NEBL: variants seen among roughly 807,000 people sequenced by gnomAD.
NEBL encodes the protein nebulette, also known as LIM and SH3 protein 2.
Under a neutral mutation model 140.2 loss-of-function variants are expected in NEBL, and 122 were observed. That is an observed-to-expected ratio of 0.87 (90% confidence interval 0.75 to 1.01). The LOEUF (loss-of-function observed/expected upper bound fraction) is 1.01. NEBL is among the 50% of genes least tolerant of loss of function. The probability of loss-of-function intolerance (pLI) is 0.00; values close to 1 mark genes in which losing one functional copy is unlikely to be tolerated. For synonymous variants in NEBL, 436 were observed against 398.9 expected, an observed-to-expected ratio of 1.09 and a Z score of -1.11; for missense variants, 1,365 against 1,231.3, an observed-to-expected ratio of 1.11 and a Z score of -1.62.
Position 21,202,743 on chromosome 10 carries a change from G to GGGATTAC in NEBL, n.349-30267_349-30266insGTAATCC, listed in dbSNP as rs555389638. Among the ~76,000 whole-genome samples, 372 of 152,078 alleles carry GGGATTAC rather than the reference G, an allele frequency of 2.4e-3. 1 individual carries two copies. The highest frequency in any genetic ancestry group is 8.6e-3 in the African/African-American group (355 of 41,510). The stretch of plus-strand genomic sequence containing the variant: ...CCCAAAGTGCTGGGATTACAGGCGT[G>GGGATTAC]AGCCACCACGCCCGGCCTTCCACCT... On this transcript the variant is annotated intron_variant and non_coding_transcript_variant, in intron 3 of 8. Transcript: ENST00000675702.
At chr10:21,234,021 A>AGATAGATAGAT in intron 3 of NEBL, among the ~76,000 whole-genome samples, 1 of 136,816 alleles carries the variant, frequency 7.3e-6, no homozygotes, top group South Asian at 2.9e-4. Context: ...ATAGATAGAT[A>AGATAGATAGAT]GATAGATAGA....
At chr10:21,180,030 A>G (rs1278651761) in intron 3 of NEBL, among the ~76,000 whole-genome samples, 1 of 152,078 alleles carries the variant, frequency 6.6e-6, no homozygotes, top group East Asian at 1.9e-4. Flanking sequence ...CTAGATACTC[A>G]GGAAGCTGAG....
intron 2 of NEBL, among the ~76,000 whole-genome samples, chr10:21,099,945 T>A (rs1346681973): frequency 6.6e-6 from 1 of 152,150 alleles, no homozygotes; most frequent in Non-Finnish European, 1.5e-5. Flanking sequence ...CTATTTAGGT[T>A]TGCCAATAAC....
At chr10:21,102,225 T>C (rs1354361251) in intron 2 of NEBL, among the ~76,000 whole-genome samples, 1 of 152,224 alleles carries the variant, frequency 6.6e-6, no homozygotes, top group Non-Finnish European at 1.5e-5. Flanking sequence ...AATCTAAACT[T>C]AGTCTCGAAA....
chr10:20,981,932 G>T (rs974512600), intron 3 of NEBL, among the ~76,000 whole-genome samples: 2 of 152,182 alleles, frequency 1.3e-5, no homozygotes, highest in Non-Finnish European at 2.9e-5. Context: ...AATGACAATT[G>T]GAGTTGAGAT....
chr10:20,894,653 G>A (rs556178543), intron 2 of NEBL, among the ~76,000 whole-genome samples: 3 of 151,068 alleles, frequency 2.0e-5, no homozygotes, highest in Admixed American at 6.6e-5. Context: ...GGTGGCTCAC[G>A]CCTGTAATCC....
chr10:20,926,758 A>G (rs1833934092), intron 4 of NEBL, among the ~76,000 whole-genome samples: 1 of 152,232 alleles, frequency 6.6e-6, no homozygotes, highest in Non-Finnish European at 1.5e-5. Context: ...CCAGCTGAAG[A>G]GTGATGCTGA....
chr10:20,828,384 C>T (rs528918921), intron 17 of NEBL, 146 bp downstream of exon 17: 1 of 576,464 alleles, frequency 1.7e-6, no homozygotes, highest in South Asian at 2.3e-5. Context: ...TATCAGTATT[C>T]TTATTATTTT....
chr10:20,812,738 A>T (rs1838284870), intron 24 of NEBL, 31 bp downstream of exon 24: 1 of 1,612,738 alleles, frequency 6.2e-7, no homozygotes. Flanking sequence ...TTTCGACCAC[A>T]CACACCGGCC....
At chr10:21,238,203 G>C (rs1346665133) in intron 3 of NEBL, among the ~76,000 whole-genome samples, 1 of 152,210 alleles carries the variant, frequency 6.6e-6, no homozygotes, top group East Asian at 1.9e-4. Context: ...CTCAACAACA[G>C]TTGGGAGAAA....
At chr10:20,953,360 G>C (rs763549250) in intron 4 of NEBL, among the ~76,000 whole-genome samples, 1 of 152,192 alleles carries the variant, frequency 6.6e-6, no homozygotes, top group Non-Finnish European at 1.5e-5. Context: ...GTGTCTGCAA[G>C]CCAGGAAGAG....
At chr10:20,833,431 G>A (rs1373695272) in intron 14 of NEBL, among the ~76,000 whole-genome samples, 1 of 152,158 alleles carries the variant, frequency 6.6e-6, no homozygotes, top group Admixed American at 6.5e-5. Flanking sequence ...ATCTGAGCCT[G>A]TCATTTAGGC....
intron 2 of NEBL, among the ~76,000 whole-genome samples, chr10:21,097,181 G>A (rs888431412): frequency 8.1e-5 from 12 of 148,344 alleles, no homozygotes; most frequent in African/African-American, 2.5e-4. Flanking sequence ...GGCCAGGTGC[G>A]GTGGCTCACG....
chr10:20,881,180 G>C (rs759254360), intron 4 of NEBL, among the ~76,000 whole-genome samples: 7 of 152,066 alleles, frequency 4.6e-5, no homozygotes, highest in Non-Finnish European at 7.4e-5. Context: ...GTGTAGTTTT[G>C]GGAAATCATC....
chr10:21,151,833 A>C (rs679970), intron 2 of NEBL, among the ~76,000 whole-genome samples: 1 of 152,028 alleles, frequency 6.6e-6, no homozygotes, highest in Non-Finnish European at 1.5e-5. Flanking sequence ...CTGCCCAACC[A>C]AGTGAAACTT....
intron 13 of NEBL, 104 bp downstream of exon 13, chr10:20,840,635 T>C: frequency 1.3e-6 from 1 of 786,338 alleles, no homozygotes; most frequent in Non-Finnish European, 2.2e-6. Flanking sequence ...TTACAATCAC[T>C]TACATATAAA....
chr10:21,147,321 T>C (rs184570308), intron 2 of NEBL, among the ~76,000 whole-genome samples: 155 of 151,094 alleles, frequency 1.0e-3, no homozygotes, highest in African/African-American at 3.6e-3. Flanking sequence ...GAAGAAGGGG[T>C]CCTCATCAGC....
intron 26 of NEBL, among the ~76,000 whole-genome samples, chr10:20,799,661 A>G (rs1836906481): frequency 6.6e-6 from 1 of 152,196 alleles, no homozygotes; most frequent in African/African-American, 2.4e-5. Context: ...TCTTTACAGA[A>G]GTCAGGCTAG....
intron 3 of NEBL, among the ~76,000 whole-genome samples, chr10:21,003,374 A>G (rs1013023682): frequency 2.0e-5 from 3 of 152,010 alleles, no homozygotes; most frequent in Admixed American, 6.6e-5. Flanking sequence ...TCTCCTGACA[A>G]CCCATGTCCC....
Sources: gnomAD v4.1 joint callset for allele counts (sites outside exome capture counted in the v4.1 genomes callset) on GRCh38, gnomAD v4.1.1 for gene constraint, MANE v1.5 for transcripts, NCBI Gene and HGNC (gene_info 2026-07-23, HGNC 2026-07-21) for gene names.